Variants in PCBD2 observed in about 807,000 individuals in gnomAD.
PCBD2 encodes pterin-4 alpha-carbinolamine dehydratase 2.
Under a neutral mutation model 16.4 loss-of-function variants are expected in PCBD2, and 12 were observed. That is an observed-to-expected ratio of 0.73 (90% CI 0.47 to 1.19). PCBD2 has a LOEUF of 1.19. PCBD2 is among the 50% of genes most tolerant of loss of function. PCBD2 has a pLI of 0.00. For missense variants in PCBD2, 138 were observed against 156.8 expected (o/e 0.88, Z 0.64); for synonymous variants, 58 against 61.8 (o/e 0.94, Z 0.29).
At chr5:134,924,286 T>C (rs1750954419) in intron 2 of PCBD2, 3 of 395,282 alleles carry the variant, frequency 7.6e-6, no homozygotes, top group African/African-American at 6.2e-5. Flanking sequence ...GGTTTAATGG[T>C]TTTTTTAATT....
chr5:134,908,111 G>A (rs1431465018), intron 1 of PCBD2, among the ~76,000 whole-genome samples: 1 of 150,766 alleles, frequency 6.6e-6, no homozygotes, highest in Admixed American at 6.6e-5. Flanking sequence ...TTGTAGAGAC[G>A]AGGTCTCATT....
intron 2 of PCBD2, among the ~76,000 whole-genome samples, chr5:134,920,805 G>C (rs1487289306): frequency 6.6e-6 from 1 of 152,184 alleles, no homozygotes; most frequent in African/African-American, 2.4e-5. Context: ...AGAGGCACCT[G>C]CCACCAAGCC....
chr5:134,958,942 C>T, intron 2 of PCBD2, 98 bp from the exon 3 acceptor site: 1 of 876,238 alleles, frequency 1.1e-6, no homozygotes, highest in South Asian at 1.7e-5. Context: ...CCCTAAGGAT[C>T]CTTGCCTGCC....
At position 134,961,543 on chromosome 5, in the gene PCBD2, G is replaced by A. The variant is rs553823141; in HGVS notation, c.*862G>A. On this transcript the variant is annotated 3_prime_UTR_variant, in exon 4 of 4. Transcript: ENST00000254908. The stretch of plus-strand genomic sequence containing the variant: ...TCGTGATCCACCTGCCTCCACCTCC[G>A]AAAGTGTTGGGATCACAGGCATGAG... Among the ~76,000 whole-genome samples the A allele has an allele frequency of 3.1e-4, 47 of 152,018 alleles. No homozygotes were observed. The highest frequency in any genetic ancestry group is 9.9e-4 in the African/African-American group (41 of 41,484).
At chr5:134,957,614 G>A (rs764230363) in intron 2 of PCBD2, among the ~76,000 whole-genome samples, 1 of 152,006 alleles carries the variant, frequency 6.6e-6, no homozygotes. Context: ...AGGAGGTTGA[G>A]GCTACAGTGA....
At chr5:134,925,846 C>T (rs80317376) in intron 2 of PCBD2, 1 of 394,036 alleles carries the variant, frequency 2.5e-6, no homozygotes, top group African/African-American at 2.1e-5. Context: ...TGGATTAGCA[C>T]TTAGGAGGGT....
At chr5:134,911,444 A>G (rs973458530) in intron 2 of PCBD2, among the ~76,000 whole-genome samples, 2 of 152,136 alleles carry the variant, frequency 1.3e-5, no homozygotes, top group Admixed American at 1.3e-4. Context: ...AATGCTTTTG[A>G]CTATTTTGTT....
intron 2 of PCBD2, among the ~76,000 whole-genome samples, chr5:134,948,352 T>C (rs1432265451): frequency 6.6e-6 from 1 of 152,198 alleles, no homozygotes; most frequent in African/African-American, 2.4e-5. Context: ...CTTTTTGGTA[T>C]ACATCAGCTG....
At chr5:134,947,087 A>G (rs7728823) in intron 2 of PCBD2, among the ~76,000 whole-genome samples, 54,778 of 151,638 alleles carry the variant, frequency 0.36, 10,270 homozygotes, top group South Asian at 0.48. Flanking sequence ...ATGCTATTAA[A>G]AAAAAAAATT....
intron 2 of PCBD2, among the ~76,000 whole-genome samples, chr5:134,933,339 G>A (rs1387347656): frequency 1.3e-5 from 2 of 152,120 alleles, no homozygotes; most frequent in African/African-American, 4.8e-5. Flanking sequence ...GGGCTCAGAT[G>A]ATCCTCCTAC....
At position 134,926,339 on chromosome 5, in the gene PCBD2, C is replaced by T. The variant is rs528094445; in HGVS notation, c.216+15873C>T. ...AAGAGACTAATAACAAGGGTGGATGCGATAATGGATTTTACTTAATGGGGA... is the reference window on the plus strand; with the variant it reads ...AAGAGACTAATAACAAGGGTGGATGTGATAATGGATTTTACTTAATGGGGA... On this transcript the variant is annotated intron_variant, in intron 2 of 3. Coordinates refer to ENST00000254908, the MANE Select transcript of PCBD2 (RefSeq NM_032151.5). 45 of 367,574 alleles carry T rather than the reference C, an allele frequency of 1.2e-4. No individual in the cohort carries two copies. The South Asian group carries it at 5.4e-3, about 44-fold the overall frequency. 22.8% of individuals were successfully genotyped at this position (367,574 alleles called of 1,614,324 possible). A position where few individuals can be genotyped will look rare whatever the true frequency, so the allele number is the denominator to read the frequency against.
rs1751491228 is a variant in PCBD2 at position 134,962,535 on chromosome 5, G to A, written c.*1854G>A. Among the ~76,000 whole-genome samples, 1 of 152,170 alleles carries A rather than the reference G, an allele frequency of 6.6e-6. No individual in the cohort carries two copies. The highest frequency in any genetic ancestry group is 2.4e-5 in the African/African-American group (1 of 41,430). On this transcript the variant is annotated 3_prime_UTR_variant, in exon 4 of 4. Coordinates refer to ENST00000254908, the MANE Select transcript of PCBD2 (RefSeq NM_032151.5). ...CCCAAAGTGCTGGGATTACAGGCGTGAGCCACTGCGCCTGGCCTATAACAA... is the reference window on the plus strand; with the variant it reads ...CCCAAAGTGCTGGGATTACAGGCGTAAGCCACTGCGCCTGGCCTATAACAA...
At chr5:134,906,717 C>T (rs1426179586) in intron 1 of PCBD2, among the ~76,000 whole-genome samples, 1 of 152,180 alleles carries the variant, frequency 6.6e-6, no homozygotes, top group East Asian at 1.9e-4. Flanking sequence ...CATTCAAGAT[C>T]TGTAATCTAA....
intron 2 of PCBD2, among the ~76,000 whole-genome samples, chr5:134,918,688 G>C (rs1341863191): frequency 1.3e-5 from 2 of 152,144 alleles, no homozygotes; most frequent in African/African-American, 4.8e-5. Context: ...AGTGTTCATA[G>C]TTTTCATTGG....
At chr5:134,941,747 A>AG (rs1160557568) in intron 2 of PCBD2, among the ~76,000 whole-genome samples, 1 of 152,232 alleles carries the variant, frequency 6.6e-6, no homozygotes, top group African/African-American at 2.4e-5. Flanking sequence ...AAAAGGGCAC[A>AG]GGGAAAAAAA....
In PCBD2 at chr5:134,925,598, C is replaced by T. The variant is rs535624821; in HGVS notation, c.216+15132C>T. 539 of 397,872 alleles carry T rather than the reference C, an allele frequency of 1.4e-3. 1 individual carries two copies. Among genetic ancestry groups the T allele is most frequent in the African/African-American group, 2.5e-3 (124 of 48,688 alleles). 24.6% of individuals were successfully genotyped at this position (397,872 alleles called of 1,614,324 possible). A position where few individuals can be genotyped will look rare whatever the true frequency, so the allele number is the denominator to read the frequency against. ...TTTTGTGTAAGGGCGCAGACTGCTG[C>T]GAACAGAGTGGTGATAGCGCCTAGG... On this transcript the variant is annotated intron_variant, in intron 2 of 3. Transcript: ENST00000254908.
At chr5:134,944,644 T>C (rs759229060) in intron 2 of PCBD2, among the ~76,000 whole-genome samples, 1 of 152,098 alleles carries the variant, frequency 6.6e-6, no homozygotes, top group Non-Finnish European at 1.5e-5. Flanking sequence ...CCATAAATGA[T>C]TTTGAGGGTG....
At chr5:134,932,417 C>G (rs1046558606) in intron 2 of PCBD2, among the ~76,000 whole-genome samples, 1 of 152,102 alleles carries the variant, frequency 6.6e-6, no homozygotes, top group Non-Finnish European at 1.5e-5. Context: ...TCTCAGCTCA[C>G]TGCAACCTCC....
At chr5:134,934,015 G>A (rs1168385312) in intron 2 of PCBD2, among the ~76,000 whole-genome samples, 1 of 152,190 alleles carries the variant, frequency 6.6e-6, no homozygotes, top group South Asian at 2.1e-4. Flanking sequence ...AATTCAGGAA[G>A]AGTTATTTCA....
Sources: gnomAD v4.1 joint callset for allele counts (sites outside exome capture counted in the v4.1 genomes callset) on GRCh38, gnomAD v4.1.1 for gene constraint, MANE v1.5 for transcripts, NCBI Gene and HGNC (gene_info 2026-07-23, HGNC 2026-07-21) for gene names.